EEF2K: variants seen among roughly 807,000 people sequenced by gnomAD.
EEF2K encodes the protein eukaryotic elongation factor 2 kinase.
EEF2K carries 70 observed loss-of-function variants against 93.8 expected under a neutral mutation model. That is an observed-to-expected ratio of 0.75 (90% confidence interval 0.62 to 0.91). The LOEUF (loss-of-function observed/expected upper bound fraction) is 0.91. Among genes scored for constraint, EEF2K ranks in the 40% least tolerant of loss-of-function variants. EEF2K has a pLI of 0.00. For synonymous variants in EEF2K, 376 were observed against 380.8 expected, an observed-to-expected ratio of 0.99 and a Z score of 0.15; for missense variants, 935 against 972.9, an observed-to-expected ratio of 0.96 and a Z score of 0.52.
chr16:22,260,313 A>C, intron 10 of EEF2K, 149 bp from the exon 11 acceptor site: 1 of 727,690 alleles, frequency 1.4e-6, no homozygotes, highest in South Asian at 1.8e-5. Flanking sequence ...AGGTGCTGAT[A>C]ACATTCTTCT....
intron 16 of EEF2K, among the ~76,000 whole-genome samples, chr16:22,275,129 T>C (rs1420458514): frequency 6.6e-6 from 1 of 152,256 alleles, no homozygotes; most frequent in South Asian, 2.1e-4. Flanking sequence ...TTGAGTGCAC[T>C]GGGGAAGCAC....
Position 22,226,052 on chromosome 16 carries a change from G to A in EEF2K, c.246+77G>A, listed in dbSNP as rs376665461. 57 of 1,569,964 alleles carry A rather than the reference G, an allele frequency of 3.6e-5. 1 individual carries two copies. The highest frequency in any genetic ancestry group is 2.5e-4 in the East Asian group (11 of 44,484). On this transcript the variant is annotated intron_variant, in intron 2 of 17. Coordinates refer to ENST00000263026, the MANE Select transcript of EEF2K (RefSeq NM_013302.5). ...GATGGAGGGTTGGAGTCGCTGGTTG[G>A]GGACTTCTTCGTATTTCCAAACCCT...
Position 22,266,390 on chromosome 16 carries a change from G to T in EEF2K, c.1441G>T (p.Val481Leu), listed in dbSNP as rs962936421. The change falls in exon 14 of 18, where the codon GTA (valine) becomes TTA (leucine). Residue 481 changes from valine (V) to leucine (L), a missense_variant and splice_region_variant. Physicochemically the swap from Val to Leu is conservative, Grantham distance 32. Coordinates refer to ENST00000263026, the MANE Select transcript of EEF2K (RefSeq NM_013302.5). ...DEDSLGSSGR[V>L]CVEKWNLLNS... ...TCCCTGGCCGGTTCTTTCCCTTCAGGTATGTGTAGAGAAGTGGAATCTCCT... is the reference window on the plus strand; with the variant it reads ...TCCCTGGCCGGTTCTTTCCCTTCAGTTATGTGTAGAGAAGTGGAATCTCCT... 1.9e-6 allele frequency: 3 copies of T among 1,613,444 alleles called. No homozygotes were observed. In the African/African-American group the frequency reaches 4.0e-5, roughly 22 times the overall value.
rs1043599836 is a variant in EEF2K at position 22,222,042 on chromosome 16, C to G, written c.-76-3612C>G. Among the ~76,000 whole-genome samples, 5 of 152,040 alleles carry G rather than the reference C, an allele frequency of 3.3e-5. No homozygotes were observed. In the East Asian group the frequency reaches 9.6e-4, roughly 29 times the overall value. ...CCAAGATTGTGCCACCCCACTCCAG[C>G]CTGGGCAACAGAGCAAGACTCTATC... On this transcript the variant is annotated intron_variant, in intron 1 of 17. Coordinates refer to ENST00000263026, the MANE Select transcript of EEF2K (RefSeq NM_013302.5).
rs117271576 is a variant in EEF2K at position 22,225,615 on chromosome 16, G to A, written c.-76-39G>A. 9.1e-3 allele frequency: 13,626 copies of A among 1,491,650 alleles called. 67 individuals carry two copies. Among genetic ancestry groups the A allele is most frequent in the Non-Finnish European group, 0.011 (12,136 of 1,118,134 alleles). The allele number at this position is 1,491,650 out of a possible 1,614,324, so 92.4% of individuals were successfully genotyped here. Reference sequence around the variant, plus strand: ...GGGTCGGGCGAATTCGCAGCCCTGGGCCCCAGCACCCACTCTCTGGCCCTT... The same window carrying A: ...GGGTCGGGCGAATTCGCAGCCCTGGACCCCAGCACCCACTCTCTGGCCCTT... On this transcript the variant is annotated intron_variant, in intron 1 of 17. Coordinates refer to ENST00000263026, the MANE Select transcript of EEF2K (RefSeq NM_013302.5).
intron 16 of EEF2K, among the ~76,000 whole-genome samples, chr16:22,274,286 C>CA (rs1234854814): frequency 2.6e-5 from 4 of 151,626 alleles, no homozygotes; most frequent in East Asian, 1.9e-4. Context: ...ACTAAAAATA[C>CA]AAAAAAAGAA....
At position 22,257,379 on chromosome 16, in the gene EEF2K, A is replaced by G; in HGVS notation, c.895A>G (p.Asn299Asp). 7 of 1,613,436 alleles carry G rather than the reference A, an allele frequency of 4.3e-6. No individual in the cohort carries two copies. Among genetic ancestry groups the G allele is most frequent in the Non-Finnish European group, 5.9e-6 (7 of 1,179,824 alleles). The stretch of plus-strand genomic sequence containing the variant: ...GACGGGCACTGACTTTGGAGACGGC[A>G]ACCTAGGTACGTGGGGAAAGCCAGC... Reference protein sequence around the residue: ...TETGTDFGDGNLGVRGMALFF... With the variant: ...TETGTDFGDGDLGVRGMALFF... Residue 299 changes from asparagine (N) to aspartate (D), a missense_variant, in exon 8 of 18, where the codon AAC becomes GAC. By Grantham distance (23) the Asn-to-Asp change is conservative. Coordinates refer to ENST00000263026, the MANE Select transcript of EEF2K (RefSeq NM_013302.5).
At chr16:22,231,998 C>CAA (rs35198909) in intron 2 of EEF2K, among the ~76,000 whole-genome samples, 12,537 of 66,034 alleles carry the variant, frequency 0.19, 1,298 homozygotes, top group East Asian at 0.49. Flanking sequence ...CTTAAACAAA[C>CAA]AAAAAAAAAA....
intron 15 of EEF2K, among the ~76,000 whole-genome samples, chr16:22,268,804 C>T (rs56711883): frequency 0.045 from 6,837 of 151,684 alleles, 513 homozygotes; most frequent in African/African-American, 0.15. Flanking sequence ...AAAAATATAA[C>T]AAATTAGCCA....
In EEF2K at chr16:22,280,233, A is replaced by G. The variant is rs1261180253; in HGVS notation, c.1925A>G (p.Asn642Ser). ...TGGCTAGAGGCCCTGCACTGGTACA[A>G]CACTGCCCTGGAGATGACGGACTGT... is the stretch of plus-strand genomic sequence containing the variant. The part of the protein sequence containing the change: ...QDWLEALHWY[N>S]TALEMTDCDE... Residue 642 changes from asparagine (N) to serine (S), a missense_variant, in exon 17 of 18, where the codon AAC becomes AGC. Coordinates refer to ENST00000263026, the MANE Select transcript of EEF2K (RefSeq NM_013302.5). The G allele has an allele frequency of 6.3e-7, 1 of 1,590,916 alleles. No homozygotes were observed. Among genetic ancestry groups the G allele is most frequent in the South Asian group, 1.1e-5 (1 of 87,504 alleles).
At position 22,244,673 on chromosome 16, in the gene EEF2K, A is replaced by G. The variant is rs758824815; in HGVS notation, c.290A>G (p.Asp97Gly). 1.2e-6 allele frequency: 2 copies of G among 1,613,842 alleles called. No individual in the cohort carries two copies. Among genetic ancestry groups the G allele is most frequent in the Admixed American group, 1.7e-5 (1 of 59,964 alleles). The change falls in exon 3 of 18, where the codon GAC becomes GGC. Residue 97 changes from aspartate to glycine, a missense_variant. Asp to Gly is a moderately conservative substitution (Grantham distance 94). Coordinates refer to ENST00000263026, the MANE Select transcript of EEF2K (RefSeq NM_013302.5). ...HAIQKAKHMPDPWAEFHLEDI... is the reference protein window; with the variant it reads ...HAIQKAKHMPGPWAEFHLEDI... ...ATCCAGAAGGCCAAGCACATGCCCG[A>G]CCCCTGGGCTGAGTTCCACCTGGAA...
At chr16:22,215,385 TTGG>T (rs1234337602) in intron 1 of EEF2K, among the ~76,000 whole-genome samples, 1 of 151,974 alleles carries the variant, frequency 6.6e-6, no homozygotes, top group Non-Finnish European at 1.5e-5. Context: ...TGAGGAGAGT[TTGG>T]TGGTGCATGG....
chr16:22,254,762 T>C (rs2047383539), intron 6 of EEF2K, among the ~76,000 whole-genome samples: 1 of 152,128 alleles, frequency 6.6e-6, no homozygotes, highest in Non-Finnish European at 1.5e-5. Context: ...TCTCTAGAAT[T>C]GTAGCTCCTG....
rs1365603106 is a variant in EEF2K at position 22,283,967 on chromosome 16, G to A, written c.2149G>A (p.Glu717Lys). 1.3e-6 allele frequency: 2 copies of A among 1,588,516 alleles called. No individual in the cohort carries two copies. The highest frequency in any genetic ancestry group is 1.3e-5 in the African/African-American group (1 of 74,534). Residue 717 changes from glutamate to lysine, a missense_variant, in exon 18 of 18, where the codon GAA becomes AAA. Transcript: ENST00000263026. ...GGCCAACCAGTACTACCAAAAGGCT[G>A]AAGAGGCCTGGGCCCAGATGGAGGA... ...RLANQYYQKA[E>K]EAWAQMEE is the part of the protein sequence containing the mutation.
intron 17 of EEF2K, among the ~76,000 whole-genome samples, chr16:22,281,201 A>T (rs2141690265): frequency 6.6e-6 from 1 of 152,254 alleles, no homozygotes; most frequent in Admixed American, 6.5e-5. Context: ...TGCTGGGATT[A>T]TACGTGTGAG....
intron 2 of EEF2K, among the ~76,000 whole-genome samples, chr16:22,236,857 GA>G (rs1198678440): frequency 6.8e-6 from 1 of 147,964 alleles, no homozygotes; most frequent in Non-Finnish European, 1.5e-5. Context: ...TGTACTCTCA[GA>G]CTTTGAAGAA....
intron 6 of EEF2K, among the ~76,000 whole-genome samples, chr16:22,252,167 TAGTC>T (rs1376421105): frequency 2.0e-5 from 3 of 152,162 alleles, no homozygotes; most frequent in African/African-American, 4.8e-5. Flanking sequence ...TGGGATCTAT[TAGTC>T]AGGATTTTTG....
intron 17 of EEF2K, among the ~76,000 whole-genome samples, chr16:22,281,234 C>T (rs2047690218): frequency 6.6e-6 from 1 of 152,050 alleles, no homozygotes; most frequent in South Asian, 2.1e-4. Context: ...GCCTCCTTTC[C>T]TTTTCTTTCT....
At chr16:22,239,897 G>A (rs1248702410) in intron 2 of EEF2K, among the ~76,000 whole-genome samples, 1 of 152,084 alleles carries the variant, frequency 6.6e-6, no homozygotes, top group Non-Finnish European at 1.5e-5. Context: ...AAGGTCAAGA[G>A]ATCGAGACCA....
Sources: gnomAD v4.1 joint callset for allele counts (sites outside exome capture counted in the v4.1 genomes callset) on GRCh38, gnomAD v4.1.1 for gene constraint, MANE v1.5 for transcripts, NCBI Gene and HGNC (gene_info 2026-07-23, HGNC 2026-07-21) for gene names.